Variants in GLI2 observed in about 807,000 individuals in gnomAD.
The protein encoded by GLI2 is transcription activator GLI2.
Under a neutral mutation model 78.9 loss-of-function variants are expected in GLI2, and 22 were observed. That is an observed-to-expected ratio of 0.28 (90% CI 0.20 to 0.40). The LOEUF is 0.40. Among genes scored for constraint, GLI2 ranks in the 10% least tolerant of loss-of-function variants. The pLI, the probability that GLI2 is intolerant of heterozygous loss-of-function variation, is 1.00. For synonymous variants in GLI2, 974 were observed against 963.7 expected, an observed-to-expected ratio of 1.01 and a Z score of -0.20; for missense variants, 2,097 against 2,213.2, an observed-to-expected ratio of 0.95 and a Z score of 1.05.
chr2:120,768,826 TGTGC>T (rs1553446341), intron 1 of GLI2, among the ~76,000 whole-genome samples: 1 of 151,258 alleles, frequency 6.6e-6, no homozygotes, highest in African/African-American at 2.5e-5. Flanking sequence ...TGTGTGTGTG[TGTGC>T]GTGTGTGTGC....
intron 2 of GLI2, among the ~76,000 whole-genome samples, chr2:120,895,085 G>C (rs1194725554): frequency 6.6e-6 from 1 of 152,216 alleles, no homozygotes; most frequent in East Asian, 1.9e-4. Flanking sequence ...CCCGGTGGAG[G>C]CTTGGGCCAC....
At chr2:120,830,463 G>A (rs940374925) in intron 2 of GLI2, among the ~76,000 whole-genome samples, 1 of 152,216 alleles carries the variant, frequency 6.6e-6, no homozygotes, top group Non-Finnish European at 1.5e-5. Context: ...TGCTTCTGCT[G>A]GTGTGTACGG....
At chr2:120,752,558 C>T (rs1233574607) in intron 1 of GLI2, among the ~76,000 whole-genome samples, 2 of 152,024 alleles carry the variant, frequency 1.3e-5, no homozygotes, top group African/African-American at 4.8e-5. Context: ...CGTGAGCCAC[C>T]GCACCTGGCC....
chr2:120,802,247 G>A (rs760788473), intron 2 of GLI2, among the ~76,000 whole-genome samples: 28 of 152,312 alleles, frequency 1.8e-4, no homozygotes, highest in Middle Eastern at 6.8e-3. Flanking sequence ...CAGAATATGC[G>A]TGAGAAATAT....
At chr2:120,866,774 T>G (rs1445433905) in intron 2 of GLI2, 1 of 152,152 alleles carries the variant, frequency 6.6e-6, no homozygotes, top group African/African-American at 2.4e-5. Context: ...CCCAAAGTAC[T>G]TTTCACGTGC....
At chr2:120,984,133 C>T (rs748453843) in intron 11 of GLI2, among the ~76,000 whole-genome samples, 7 of 152,076 alleles carry the variant, frequency 4.6e-5, no homozygotes, top group Non-Finnish European at 7.4e-5. Flanking sequence ...ACACTGAGCT[C>T]GTACACTTGC....
rs183796153 is a variant in GLI2 at position 120,982,516 on chromosome 2, C to T, written c.1468-200C>T. ...TCAGCAGTAGCAGCCCCTGGGCGAC[C>T]GGTGGTTTTCATTTTTCTCTTTGTA... On this transcript the variant is annotated intron_variant, in intron 10 of 13. Coordinates refer to ENST00000361492, the MANE Select transcript of GLI2 (RefSeq NM_001374353.1). Among the ~76,000 whole-genome samples the T allele has an allele frequency of 3.9e-3, 587 of 152,260 alleles. 1 individual carries two copies. The highest frequency in any genetic ancestry group is 5.4e-3 in the Non-Finnish European group (369 of 68,020).
Position 120,978,592 on chromosome 2 carries a change from C to T in GLI2, c.1467+9C>T, listed in dbSNP as rs768575355. 7 of 1,612,230 alleles carry T rather than the reference C, an allele frequency of 4.3e-6. No individual in the cohort carries two copies. The highest frequency in any genetic ancestry group is 1.1e-5 in the South Asian group (1 of 91,044). The stretch of plus-strand genomic sequence containing the variant: ...AGCCCCACAAGTGCACGGTGAGTGG[C>T]CTTCTCCCCACCCCCGCCGCAGCAT... On this transcript the variant is annotated intron_variant, in intron 10 of 13. Transcript: ENST00000361492.
chr2:120,938,563 A>G (rs1337453650), intron 3 of GLI2, among the ~76,000 whole-genome samples: 2 of 152,256 alleles, frequency 1.3e-5, no homozygotes, highest in Admixed American at 1.3e-4. Flanking sequence ...GCTCTTTGTC[A>G]ACTGAAAACG....
chr2:120,920,180 A>G (rs1437393600), intron 2 of GLI2, among the ~76,000 whole-genome samples: 1 of 152,228 alleles, frequency 6.6e-6, no homozygotes, highest in African/African-American at 2.4e-5. Context: ...GGGCATCCCC[A>G]ACACAGCCAC....
intron 2 of GLI2, among the ~76,000 whole-genome samples, chr2:120,904,689 C>T (rs1003609215): frequency 5.3e-5 from 8 of 152,206 alleles, no homozygotes; most frequent in African/African-American, 9.7e-5. Context: ...CTTTTTAAAA[C>T]GCTGGTGCCC....
intron 2 of GLI2, among the ~76,000 whole-genome samples, chr2:120,828,860 C>CAAAAAAAAAA (rs1473185532): frequency 1.6e-4 from 1 of 6,124 alleles, no homozygotes; most frequent in Non-Finnish European, 6.8e-4. Context: ...ACTTCCAACT[C>CAAAAAAAAAA]CAAAAAAAAA....
Position 120,968,756 on chromosome 2 carries a change from G to A in GLI2, c.686G>A (p.Arg229His), listed in dbSNP as rs755043644. Residue 229 changes from arginine (R) to histidine (H), a missense_variant, in exon 6 of 14, where the codon CGC (arginine) becomes CAC (histidine). By Grantham distance (29) the Arg-to-His change is conservative. Around this residue, in one of 5 missense-constraint regions of GLI2, gnomAD observed 578 missense variants for 612.0 expected, o/e 0.94. Coordinates refer to ENST00000361492, the MANE Select transcript of GLI2 (RefSeq NM_001374353.1). ...CCGCGGGTGACGCCCCGCCTGAGCC[G>A]CAAGCGGGCGCTGTCCATCTCCCCA... ...SSPRVTPRLS[R>H]KRALSISPLS... is the part of the protein sequence containing the mutation. 42 of 1,613,212 alleles carry A rather than the reference G, an allele frequency of 2.6e-5. No homozygotes were observed. The East Asian group carries it at 6.2e-4, about 24-fold the overall frequency.
At chr2:120,857,285 C>A (rs1040980954) in intron 2 of GLI2, among the ~76,000 whole-genome samples, 21 of 151,978 alleles carry the variant, frequency 1.4e-4, no homozygotes, top group African/African-American at 4.6e-4. Flanking sequence ...ATCCATTCAA[C>A]CACCCACCTA....
At chr2:120,752,683 G>T (rs11684871) in intron 1 of GLI2, among the ~76,000 whole-genome samples, 4 of 152,098 alleles carry the variant, frequency 2.6e-5, no homozygotes, top group Admixed American at 1.3e-4. Context: ...TACCACTGCC[G>T]TAGCCCAGCC....
chr2:120,834,653 C>T (rs1188700422), intron 2 of GLI2, among the ~76,000 whole-genome samples: 2 of 152,200 alleles, frequency 1.3e-5, no homozygotes, highest in Non-Finnish European at 2.9e-5. Context: ...TAATACCAAT[C>T]ATCAGGAGCT....
Position 120,808,898 on chromosome 2 carries a change from G to A in GLI2, c.148+11430G>A, listed in dbSNP as rs535214457. Among the ~76,000 whole-genome samples, 846 of 152,242 alleles carry A rather than the reference G, an allele frequency of 5.6e-3. 2 individuals carry two copies. Among genetic ancestry groups the A allele is most frequent in the Middle Eastern group, 0.014 (4 of 294 alleles). The stretch of plus-strand genomic sequence containing the variant: ...GGCCGTTTGTGTCTTCAGTGGCTCG[G>A]GCACTGTGGAGCTTCCCAGCTGCCC... On this transcript the variant is annotated intron_variant, in intron 2 of 13. Transcript: ENST00000361492.
Position 120,927,101 on chromosome 2 carries a change from G to A in GLI2, c.149-260G>A, listed in dbSNP as rs368414759. On this transcript the variant is annotated intron_variant, in intron 2 of 13. Coordinates refer to ENST00000361492, the MANE Select transcript of GLI2 (RefSeq NM_001374353.1). ...TTGTGGCCCTGCCTGTAATCTCCCC[G>A]AGTTCAAAGAGTGCTTAGCTGCTTG... is the stretch of plus-strand genomic sequence containing the variant. 1.3e-3 allele frequency among the ~76,000 whole-genome samples: 200 copies of A among 152,348 alleles called. 1 individual carries two copies. Among genetic ancestry groups the A allele is most frequent in the South Asian group, 3.9e-3 (19 of 4,830 alleles).
intron 2 of GLI2, among the ~76,000 whole-genome samples, chr2:120,802,601 C>A (rs959179854): frequency 2.6e-4 from 39 of 152,336 alleles, no homozygotes; most frequent in South Asian, 1.4e-3. Flanking sequence ...ACTGTGGGTT[C>A]TCTTTCAAAA....
Sources: allele counts gnomAD v4.1 joint callset (sites outside exome capture counted in the v4.1 genomes callset), GRCh38; gene constraint gnomAD v4.1.1; regional missense constraint gnomAD v4.1.1; transcripts MANE v1.5; gene names NCBI Gene and HGNC (gene_info 2026-07-23, HGNC 2026-07-21).